The following SEPTIN6 variants were observed in gnomAD, a reference collection of about 807,000 sequenced individuals.
SEPTIN6 encodes the protein septin 6.
A neutral mutation model predicts 33.6 loss-of-function variants in SEPTIN6; 8 were observed. The ratio of observed to expected loss-of-function variants is 0.24; its 90% CI spans 0.14 to 0.43. The LOEUF is 0.43. Among genes scored for constraint, SEPTIN6 ranks in the 20% least tolerant of loss-of-function variants. The probability of loss-of-function intolerance (pLI) is 1.00; values close to 1 mark genes in which losing one functional copy is unlikely to be tolerated. For synonymous variants in SEPTIN6, 131 were observed against 140.0 expected (o/e 0.94, Z 0.45); for missense variants, 250 against 340.8 (o/e 0.73, Z 2.10).
At chrX:119,666,316 A>G (rs1195722844) in intron 2 of SEPTIN6, among the ~76,000 whole-genome samples, 1 of 111,864 alleles carries the variant, frequency 8.9e-6, no homozygotes, top group Admixed American at 9.5e-5. Flanking sequence ...CCGCCTTGCG[A>G]CCAAAAGCAC....
chrX:119,629,276 G>T, intron 9 of SEPTIN6, 42 bp downstream of exon 9: 1 of 1,169,499 alleles, frequency 8.6e-7, no homozygotes, highest in East Asian at 3.0e-5. Flanking sequence ...GGATGAGCAG[G>T]AGGAAAGAGA....
At chrX:119,674,212 C>T (rs2054801597) in intron 2 of SEPTIN6, among the ~76,000 whole-genome samples, 1 of 108,064 alleles carries the variant, frequency 9.3e-6, no homozygotes, top group Admixed American at 9.9e-5. Flanking sequence ...CTTACTCTGT[C>T]GTCCAGGCTG....
chrX:119,673,980 C>T, intron 2 of SEPTIN6, among the ~76,000 whole-genome samples: 1 of 105,742 alleles, frequency 9.5e-6, no homozygotes. Context: ...ACGCTCTATA[C>T]AAAAATAAAA....
chrX:119,645,643 C>T (rs1055162859), intron 5 of SEPTIN6, among the ~76,000 whole-genome samples: 4 of 111,246 alleles, frequency 3.6e-5, no homozygotes, highest in Admixed American at 1.9e-4. Flanking sequence ...GTGATCCACC[C>T]GCCTCGGCCT....
chrX:119,660,314 A>G (rs1448231189), intron 3 of SEPTIN6, among the ~76,000 whole-genome samples: 4 of 112,686 alleles, frequency 3.5e-5, no homozygotes, highest in South Asian at 3.6e-4. Context: ...CTATGCTAAC[A>G]TGGCCCTAAC....
intron 7 of SEPTIN6, among the ~76,000 whole-genome samples, chrX:119,636,294 G>A (rs187276680): frequency 3.6e-5 from 4 of 111,849 alleles, no homozygotes; most frequent in Non-Finnish European, 3.8e-5. Flanking sequence ...AGGGCACCAC[G>A]TGGTAATTTC....
At chrX:119,635,647 T>C (rs5957194) in intron 7 of SEPTIN6, among the ~76,000 whole-genome samples, 11,639 of 111,211 alleles carry the variant, frequency 0.1, 905 homozygotes, top group African/African-American at 0.27. Context: ...AAGGCCACAT[T>C]GAACTTGGCC....
intron 2 of SEPTIN6, among the ~76,000 whole-genome samples, chrX:119,672,597 C>T (rs1419264942): frequency 8.9e-6 from 1 of 112,236 alleles, no homozygotes; most frequent in African/African-American, 3.2e-5. Flanking sequence ...CAGTACAGGT[C>T]ATATGGAGTT....
intron 5 of SEPTIN6, among the ~76,000 whole-genome samples, chrX:119,641,265 A>T (rs1026804658): frequency 2.7e-5 from 3 of 111,484 alleles, no homozygotes; most frequent in Admixed American, 1.9e-4. Flanking sequence ...CCACACAGCC[A>T]ACTGAGCTGT....
intron 6 of SEPTIN6, among the ~76,000 whole-genome samples, chrX:119,637,654 T>TATCCATCC (rs35208481): frequency 0.042 from 3,846 of 91,663 alleles, 60 homozygotes; most frequent in Non-Finnish European, 0.048. Flanking sequence ...TCCATCTATC[T>TATCCATCC]ATCCATCCAT....
chrX:119,676,911 C>T (rs1260146165), intron 1 of SEPTIN6, among the ~76,000 whole-genome samples: 1 of 112,092 alleles, frequency 8.9e-6, no homozygotes, highest in Non-Finnish European at 1.9e-5. Flanking sequence ...CTGGCTGTGT[C>T]ACCCTCAGAC....
rs1308812271 is a variant in SEPTIN6, at chrX:119,640,414, G to C, written c.787+278C>G. 4.5e-5 allele frequency among the ~76,000 whole-genome samples: 5 copies of C among 111,249 alleles called. No individual in the cohort carries two copies. The Admixed American group carries it at 4.8e-4, about 11-fold the overall frequency. ...ACATTCTTCAGGTGCACTTGGGCAA[G>C]AACACATGCTTTTTCGCACACTCCT... On this transcript the variant is annotated intron_variant, in intron 6 of 10. Coordinates refer to ENST00000394610, the MANE Select transcript of SEPTIN6 (RefSeq NM_145799.4).
chrX:119,620,245 C>CA (rs1019520916), intron 10 of SEPTIN6, among the ~76,000 whole-genome samples, 194 bp from the exon 11 acceptor site: 4 of 110,926 alleles, frequency 3.6e-5, no homozygotes, highest in African/African-American at 1.3e-4. Flanking sequence ...CACACACTCC[C>CA]ACATGATGGC....
chrX:119,682,658 G>A (rs949785777), intron 1 of SEPTIN6, among the ~76,000 whole-genome samples: 6 of 111,016 alleles, frequency 5.4e-5, no homozygotes, highest in African/African-American at 9.8e-5. Context: ...TTCCAGCTGC[G>A]CATCTTTCTC....
At chrX:119,631,613 T>A (rs2053963764) in intron 8 of SEPTIN6, among the ~76,000 whole-genome samples, 1 of 110,020 alleles carries the variant, frequency 9.1e-6, no homozygotes, top group Non-Finnish European at 1.9e-5. Context: ...ACATTTTTGT[T>A]TTTTTTATTG....
At chrX:119,635,024 AAAAG>A (rs1239227249) in intron 7 of SEPTIN6, 6 of 249,367 alleles carry the variant, frequency 2.4e-5, no homozygotes, top group Non-Finnish European at 3.8e-5. Flanking sequence ...AAAAAAAAAA[AAAAG>A]AAAGAAAAGA....
chrX:119,682,835 T>C (rs1207158648), intron 1 of SEPTIN6, among the ~76,000 whole-genome samples: 2 of 111,937 alleles, frequency 1.8e-5, no homozygotes, highest in Non-Finnish European at 3.8e-5. Context: ...TTCCCGCCTC[T>C]GTTTCAAACC....
At chrX:119,673,650 T>G (rs1412970049) in intron 2 of SEPTIN6, among the ~76,000 whole-genome samples, 2 of 109,423 alleles carry the variant, frequency 1.8e-5, no homozygotes, top group Non-Finnish European at 3.8e-5. Context: ...GCGGATCACT[T>G]GAGGTCAGGA....
Position 119,617,075 on chromosome X carries a change from TAAGAG to T in SEPTIN6, c.*3013_*3017del, listed in dbSNP as rs973988409. The stretch of plus-strand genomic sequence containing the variant: ...GCTAGGGAAAGCAAACTTCTTGGCT[TAAGAG>T]AAGTGAGGGATGTGTGTACGTGTGT... On this transcript the variant is annotated 3_prime_UTR_variant, in exon 11 of 11. Coordinates refer to ENST00000394610, the MANE Select transcript of SEPTIN6 (RefSeq NM_145799.4). 9.8e-6 allele frequency: 9 copies of T among 915,504 alleles called. No individual in the cohort carries two copies. Among genetic ancestry groups the T allele is most frequent in the Non-Finnish European group, 1.2e-5 (9 of 741,872 alleles). The allele number at this position is 915,504 out of a possible 1,213,427, so 75.4% of individuals were successfully genotyped here.
Sources: gnomAD v4.1 joint callset for allele counts (sites outside exome capture counted in the v4.1 genomes callset) on GRCh38, gnomAD v4.1.1 for gene constraint, MANE v1.5 for transcripts, NCBI Gene and HGNC (gene_info 2026-07-23, HGNC 2026-07-21) for gene names.